Variants in SUSD1 observed in about 807,000 individuals in gnomAD.
SUSD1 encodes the protein sushi domain containing 1, also known as sushi domain-containing protein 1.
A neutral mutation model predicts 86.9 loss-of-function variants in SUSD1; 65 were observed. The observed-to-expected ratio is 0.75, with a 90% CI of 0.61 to 0.92. The LOEUF is 0.92. Ranked by LOEUF, SUSD1 falls within the 40% of genes least tolerant of loss-of-function variation. The probability of loss-of-function intolerance (pLI) is 0.00; values close to 1 mark genes in which losing one functional copy is unlikely to be tolerated. For synonymous variants in SUSD1, 346 were observed against 350.0 expected, an observed-to-expected ratio of 0.99 and a Z score of 0.13; for missense variants, 850 against 929.7, an observed-to-expected ratio of 0.91 and a Z score of 1.11.
At chr9:112,153,072 C>G (rs901796002) in intron 2 of SUSD1, among the ~76,000 whole-genome samples, 3 of 151,606 alleles carry the variant, frequency 2.0e-5, no homozygotes, top group Admixed American at 1.3e-4. Flanking sequence ...TCAAGAAGAG[C>G]CTGGGCAACA....
intron 5 of SUSD1, among the ~76,000 whole-genome samples, chr9:112,137,057 T>C (rs1832296505): frequency 6.6e-6 from 1 of 152,154 alleles, no homozygotes; most frequent in African/African-American, 2.4e-5. Context: ...GTGCATAAGC[T>C]CATGACATAC....
At chr9:112,124,465 T>A in intron 5 of SUSD1, 29 bp from the exon 6 acceptor site, 1 of 1,587,806 alleles carries the variant, frequency 6.3e-7, no homozygotes, top group Non-Finnish European at 8.6e-7. Context: ...CAGCACTGGT[T>A]ATAAGCCCTG....
At chr9:112,150,828 T>G (rs758277182) in intron 2 of SUSD1, among the ~76,000 whole-genome samples, 13 of 152,330 alleles carry the variant, frequency 8.5e-5, no homozygotes, top group Non-Finnish European at 1.6e-4. Flanking sequence ...GATACATCTC[T>G]AGAGAGCACT....
At chr9:112,124,230 A>G in intron 6 of SUSD1, 27 bp downstream of exon 6, 4 of 1,586,252 alleles carry the variant, frequency 2.5e-6, no homozygotes, top group East Asian at 2.2e-5. Context: ...GTTCCTGGGT[A>G]GCAGGAGCCC....
At chr9:112,149,111 T>G (rs1428508605) in intron 3 of SUSD1, 133 bp downstream of exon 3, 7 of 1,256,524 alleles carry the variant, frequency 5.6e-6, no homozygotes, top group African/African-American at 3.0e-5. Flanking sequence ...AATAAGAATA[T>G]TATCCTATAT....
At chr9:112,104,040 T>G (rs933756286) in intron 8 of SUSD1, among the ~76,000 whole-genome samples, 1 of 151,922 alleles carries the variant, frequency 6.6e-6, no homozygotes, top group African/African-American at 2.4e-5. Flanking sequence ...ACAATTCTTC[T>G]TCTTCTCTCT....
intron 12 of SUSD1, among the ~76,000 whole-genome samples, chr9:112,067,169 C>T (rs1196311915): frequency 6.6e-6 from 1 of 152,208 alleles, no homozygotes; most frequent in Non-Finnish European, 1.5e-5. Context: ...TGAGCCACCA[C>T]ACCAGGCCTA....
At chr9:112,155,893 GAGA>G (rs367869111) in intron 2 of SUSD1, among the ~76,000 whole-genome samples, 15 of 150,834 alleles carry the variant, frequency 9.9e-5, no homozygotes, top group African/African-American at 3.2e-4. Flanking sequence ...AGGAGAGAGG[GAGA>G]AGGAGAAAAG....
At chr9:112,069,559 T>C (rs1004541995) in intron 12 of SUSD1, among the ~76,000 whole-genome samples, 3 of 152,194 alleles carry the variant, frequency 2.0e-5, no homozygotes, top group African/African-American at 7.2e-5. Context: ...ATCACCGAAA[T>C]GCCCTTTCAC....
chr9:112,171,969 G>A (rs1834064311), intron 1 of SUSD1, among the ~76,000 whole-genome samples: 1 of 152,170 alleles, frequency 6.6e-6, no homozygotes, highest in South Asian at 2.1e-4. Flanking sequence ...GCTGAGGCGG[G>A]CAGATCACTT....
At position 112,175,114 on chromosome 9, in the gene SUSD1, C is replaced by T; in HGVS notation, c.103+19G>A. The T allele has an allele frequency of 2.0e-6, 2 of 1,022,832 alleles. No individual in the cohort carries two copies. Among genetic ancestry groups the T allele is most frequent in the Non-Finnish European group, 2.3e-6 (2 of 856,336 alleles). 63.4% of individuals were successfully genotyped at this position (1,022,832 alleles called of 1,614,324 possible). A position where few individuals can be genotyped will look rare whatever the true frequency, so the allele number is the denominator to read the frequency against. On this transcript the variant is annotated intron_variant, in intron 1 of 16. Transcript: ENST00000374270. This position sits in a 1 kb window ranked among gnomAD's most constrained non-coding sequence, Gnocchi z 4.7. ...GGGGGCCCCGCCGGCCGCCCGTGCC[C>T]GTCCCAGCCCGCACTCACCGTCGGG...
At chr9:112,051,058 T>A (rs1828168270) in intron 15 of SUSD1, among the ~76,000 whole-genome samples, 1 of 152,252 alleles carries the variant, frequency 6.6e-6, no homozygotes, top group Admixed American at 6.5e-5. Context: ...TGCTTGCTTG[T>A]CCTGCCCAGC....
chr9:112,071,094 C>T (rs1829248707), intron 12 of SUSD1, among the ~76,000 whole-genome samples: 2 of 152,140 alleles, frequency 1.3e-5, no homozygotes, highest in Admixed American at 1.3e-4. Context: ...AAGCAGTCCT[C>T]TCTCCTCAGC....
At position 112,062,980 on chromosome 9, in the gene SUSD1, G is replaced by A. The variant is rs141503818; in HGVS notation, c.1807C>T (p.Arg603Cys). Residue 603 changes from arginine (R) to cysteine (C), a missense_variant, in exon 13 of 17, where the codon CGC (arginine) becomes TGC (cysteine). By Grantham distance (180) the Arg-to-Cys change is radical. Transcript: ENST00000374270. Reference protein sequence around the residue: ...FFTVHRGPLPRLRLRKAKEKN... With the variant: ...FFTVHRGPLPCLRLRKAKEKN... ...TCCTTGGCTTTCCTCAGTCTGAGGCGTGGTAGAGGTCCTCTGTGCACCGTA... is the reference window on the plus strand; with the variant it reads ...TCCTTGGCTTTCCTCAGTCTGAGGCATGGTAGAGGTCCTCTGTGCACCGTA... 6.5e-4 allele frequency: 1,042 copies of A among 1,613,458 alleles called. 7 individuals carry two copies. The highest frequency in any genetic ancestry group is 4.5e-4 in the Non-Finnish European group (530 of 1,179,678).
intron 2 of SUSD1, among the ~76,000 whole-genome samples, chr9:112,156,491 C>T (rs1013289240): frequency 1.3e-5 from 2 of 151,892 alleles, no homozygotes; most frequent in African/African-American, 2.4e-5. Flanking sequence ...ACTGAAGCTT[C>T]GAACTCCTGG....
chr9:112,158,624 T>C (rs1260835263), intron 1 of SUSD1, among the ~76,000 whole-genome samples: 2 of 152,108 alleles, frequency 1.3e-5, no homozygotes, highest in Non-Finnish European at 2.9e-5. Context: ...ACCCCTGAGC[T>C]TGAGGGATCC....
At chr9:112,100,106 C>G (rs925547532) in intron 9 of SUSD1, among the ~76,000 whole-genome samples, 4 of 152,334 alleles carry the variant, frequency 2.6e-5, no homozygotes, top group Non-Finnish European at 5.9e-5. Context: ...TTTTCTTTAG[C>G]AAACCGCTTT....
At chr9:112,092,905 T>C (rs1409848335) in intron 10 of SUSD1, among the ~76,000 whole-genome samples, 1 of 152,162 alleles carries the variant, frequency 6.6e-6, no homozygotes, top group Non-Finnish European at 1.5e-5. Flanking sequence ...TCTCAGTATA[T>C]GAATAAACTA....
intron 10 of SUSD1, among the ~76,000 whole-genome samples, chr9:112,097,642 G>A (rs1324296720): frequency 6.6e-6 from 1 of 151,880 alleles, no homozygotes; most frequent in Non-Finnish European, 1.5e-5. Context: ...CAGGTGATCT[G>A]CCAGCCTCGG....
Sources: allele counts gnomAD v4.1 joint callset (sites outside exome capture counted in the v4.1 genomes callset), GRCh38; gene constraint gnomAD v4.1.1; non-coding constraint Gnocchi (gnomAD v3.1); transcripts MANE v1.5; gene names NCBI Gene and HGNC (gene_info 2026-07-23, HGNC 2026-07-21).